FBXL7: variants seen among roughly 807,000 people sequenced by gnomAD.
FBXL7 encodes F-box/LRR-repeat protein 7.
In FBXL7, 12 loss-of-function variants were observed where a neutral mutation model predicts 38.3. The observed-to-expected ratio is 0.31, with a 90% CI of 0.20 to 0.51. The LOEUF is 0.51. FBXL7 is among the 20% of genes least tolerant of loss of function. FBXL7 has a pLI of 0.98. For missense variants in FBXL7, 567 were observed against 676.4 expected (o/e 0.84, Z 1.79); for synonymous variants, 297 against 300.9 (o/e 0.99, Z 0.13).
intron 2 of FBXL7, among the ~76,000 whole-genome samples, chr5:15,703,635 CAG>C (rs1743595405): frequency 1.3e-5 from 2 of 152,044 alleles, no homozygotes; most frequent in Non-Finnish European, 2.9e-5. Flanking sequence ...TATTTTTAAA[CAG>C]ATTATGTGTC....
intron 2 of FBXL7, among the ~76,000 whole-genome samples, chr5:15,853,783 G>C (rs372902280): frequency 6.6e-6 from 1 of 152,316 alleles, no homozygotes; most frequent in East Asian, 1.9e-4. Flanking sequence ...AAAGAGTTTT[G>C]TGTTTGTGAC....
At chr5:15,679,181 T>C (rs911060599) in intron 2 of FBXL7, among the ~76,000 whole-genome samples, 4 of 152,220 alleles carry the variant, frequency 2.6e-5, no homozygotes, top group Non-Finnish European at 4.4e-5. Flanking sequence ...AAACCCCAGC[T>C]ATCTACGCCT....
chr5:15,657,027 G>A (rs967237331), intron 2 of FBXL7, among the ~76,000 whole-genome samples: 2 of 152,080 alleles, frequency 1.3e-5, no homozygotes, highest in South Asian at 4.1e-4. Context: ...TGAATTTGCT[G>A]AGAAAGACTC....
chr5:15,932,385 A>T (rs1742060252), intron 3 of FBXL7, among the ~76,000 whole-genome samples: 1 of 152,226 alleles, frequency 6.6e-6, no homozygotes, highest in South Asian at 2.1e-4. Flanking sequence ...ACACCCCAGA[A>T]GAGATAGAGA....
chr5:15,544,230 C>A (rs1737838134), intron 1 of FBXL7, among the ~76,000 whole-genome samples: 1 of 152,170 alleles, frequency 6.6e-6, no homozygotes, highest in South Asian at 2.1e-4. Context: ...CCCTTGAATT[C>A]TTTTCTTGGC....
chr5:15,900,338 A>C (rs376104509), intron 2 of FBXL7, among the ~76,000 whole-genome samples: 5 of 152,260 alleles, frequency 3.3e-5, no homozygotes, highest in South Asian at 2.1e-4. Flanking sequence ...ATGGCCTTCC[A>C]CCACCCTAGT....
intron 1 of FBXL7, among the ~76,000 whole-genome samples, chr5:15,573,933 T>G (rs955680115): frequency 2.0e-5 from 3 of 152,224 alleles, no homozygotes; most frequent in African/African-American, 7.2e-5. Context: ...CTGAGTCATA[T>G]AAACATAAAG....
intron 2 of FBXL7, among the ~76,000 whole-genome samples, chr5:15,805,540 G>A (rs190505178): frequency 6.6e-6 from 1 of 152,130 alleles, no homozygotes; most frequent in East Asian, 1.9e-4. Flanking sequence ...CAACACTGTG[G>A]ATGCATATAA....
chr5:15,734,527 C>A (rs985083635), intron 2 of FBXL7, among the ~76,000 whole-genome samples: 3 of 152,168 alleles, frequency 2.0e-5, no homozygotes, highest in Non-Finnish European at 4.4e-5. Context: ...AAAGATTCTC[C>A]CAAGGCCTGT....
chr5:15,647,604 ATACT>A (rs1458022574), intron 2 of FBXL7, among the ~76,000 whole-genome samples: 1 of 152,206 alleles, frequency 6.6e-6, no homozygotes, highest in Admixed American at 6.5e-5. Context: ...TTACCCTTTC[ATACT>A]TACTTCTTTT....
chr5:15,709,197 C>A (rs2075179042), intron 2 of FBXL7, among the ~76,000 whole-genome samples: 1 of 152,138 alleles, frequency 6.6e-6, no homozygotes, highest in African/African-American at 2.4e-5. Flanking sequence ...AAAGAACATA[C>A]AGTCTAGTTG....
In FBXL7 at chr5:15,937,247, A is replaced by G; in HGVS notation, c.*61A>G. 1 of 1,463,312 alleles carries G rather than the reference A, an allele frequency of 6.8e-7. No homozygotes were observed. The highest frequency in any genetic ancestry group is 1.4e-5 in the South Asian group (1 of 71,230). The allele number at this position is 1,463,312 out of a possible 1,614,324, so 90.6% of individuals were successfully genotyped here. On this transcript the variant is annotated 3_prime_UTR_variant, in exon 4 of 4. Coordinates refer to ENST00000504595, the MANE Select transcript of FBXL7 (RefSeq NM_012304.5). Reference sequence around the variant, plus strand: ...ACCTGAACAAAGCAAATTTTTTTAAAAGCAGCGTATGTAAGCACCGACACC... The same window carrying G: ...ACCTGAACAAAGCAAATTTTTTTAAGAGCAGCGTATGTAAGCACCGACACC...
intron 2 of FBXL7, among the ~76,000 whole-genome samples, chr5:15,753,033 G>A (rs945481892): frequency 1.3e-5 from 2 of 152,046 alleles, no homozygotes; most frequent in East Asian, 1.9e-4. Flanking sequence ...CATTTTCGCC[G>A]CTGCAATTCA....
chr5:15,757,460 C>CGG (rs1736327729), intron 2 of FBXL7, among the ~76,000 whole-genome samples: 1 of 151,404 alleles, frequency 6.6e-6, no homozygotes, highest in Non-Finnish European at 1.5e-5. Flanking sequence ...TTATGGAGTC[C>CGG]AGAAGACATC....
At chr5:15,524,650 A>C (rs529132016) in intron 1 of FBXL7, among the ~76,000 whole-genome samples, 17 of 152,286 alleles carry the variant, frequency 1.1e-4, no homozygotes, top group African/African-American at 4.1e-4. Context: ...CTGTTACATT[A>C]ATTGCTGTGG....
At chr5:15,583,615 A>G (rs1279570916) in intron 1 of FBXL7, among the ~76,000 whole-genome samples, 1 of 152,120 alleles carries the variant, frequency 6.6e-6, no homozygotes, top group East Asian at 1.9e-4. Flanking sequence ...CTCCAAAATG[A>G]TCTCCTTTGA....
At chr5:15,702,235 CAAAAA>C (rs34269968) in intron 2 of FBXL7, among the ~76,000 whole-genome samples, 1 of 137,118 alleles carries the variant, frequency 7.3e-6, no homozygotes, top group Non-Finnish European at 1.6e-5. Context: ...AGACTCCTCT[CAAAAA>C]AAAAAAAAAA....
intron 1 of FBXL7, among the ~76,000 whole-genome samples, chr5:15,517,127 C>T (rs944939303): frequency 4.6e-5 from 7 of 151,956 alleles, no homozygotes; most frequent in Middle Eastern, 3.4e-3. Flanking sequence ...CCCGGGTTCA[C>T]GCCATTCTCC....
At chr5:15,740,985 A>T (rs766149224) in intron 2 of FBXL7, among the ~76,000 whole-genome samples, 1 of 152,168 alleles carries the variant, frequency 6.6e-6, no homozygotes, top group African/African-American at 2.4e-5. Flanking sequence ...TTCCTAAGAG[A>T]AATAAAGTCT....
Sources: gnomAD v4.1 joint callset for allele counts (sites outside exome capture counted in the v4.1 genomes callset) on GRCh38, gnomAD v4.1.1 for gene constraint, MANE v1.5 for transcripts, NCBI Gene and HGNC (gene_info 2026-07-23, HGNC 2026-07-21) for gene names.